The following CCT3 variants were observed in gnomAD, a reference collection of about 807,000 sequenced individuals.
CCT3 encodes the protein chaperonin containing TCP1 subunit 3.
CCT3 carries 10 observed loss-of-function variants against 65.3 expected under a neutral mutation model. That is an observed-to-expected ratio of 0.15 (90% confidence interval 0.09 to 0.26). The LOEUF (loss-of-function observed/expected upper bound fraction) is 0.26. CCT3 is among the 10% of genes least tolerant of loss of function. CCT3 has a pLI of 1.00. For synonymous variants in CCT3, 225 were observed against 242.3 expected (o/e 0.93, Z 0.66); for missense variants, 626 against 708.7 (o/e 0.88, Z 1.33).
At chr1:156,309,354 C>T in intron 13 of CCT3, 51 bp from the exon 14 acceptor site, 5 of 1,193,880 alleles carry the variant, frequency 4.2e-6, no homozygotes, top group Non-Finnish European at 5.0e-6. Context: ...GGAAAGGACA[C>T]TTTTCTTTCC....
At chr1:156,319,632 G>A (rs1043344012) in intron 7 of CCT3, among the ~76,000 whole-genome samples, 1 of 152,134 alleles carries the variant, frequency 6.6e-6, no homozygotes, top group Non-Finnish European at 1.5e-5. Flanking sequence ...AGCTACTCAA[G>A]AGGCTCAGGC....
chr1:156,333,685 C>A (rs770202265), intron 4 of CCT3, 42 bp from the exon 5 acceptor site: 55 of 1,448,794 alleles, frequency 3.8e-5, no homozygotes, highest in Non-Finnish European at 4.8e-5. Flanking sequence ...TATTCAAAGA[C>A]CTCTGAACTC....
chr1:156,322,917 C>T (rs1263761207), intron 6 of CCT3, among the ~76,000 whole-genome samples: 2 of 152,158 alleles, frequency 1.3e-5, no homozygotes, highest in Non-Finnish European at 2.9e-5. Context: ...GGTACCTCTA[C>T]ATTCTCACAG....
At chr1:156,332,207 T>C (rs956104210) in intron 5 of CCT3, among the ~76,000 whole-genome samples, 11 of 152,254 alleles carry the variant, frequency 7.2e-5, no homozygotes, top group African/African-American at 2.6e-4. Flanking sequence ...AGTGACGCGG[T>C]CTCTCCATGT....
At chr1:156,324,481 T>G (rs1015500072) in intron 6 of CCT3, among the ~76,000 whole-genome samples, 3 of 152,192 alleles carry the variant, frequency 2.0e-5, no homozygotes, top group Non-Finnish European at 4.4e-5. Context: ...TTTCTTTTTT[T>G]TCTTCTGAGA....
At chr1:156,311,248 C>G in intron 11 of CCT3, 53 bp from the exon 12 acceptor site, 1 of 1,570,774 alleles carries the variant, frequency 6.4e-7, no homozygotes, top group Non-Finnish European at 8.7e-7. Context: ...CTCATAAAAT[C>G]GGAGGCACCA....
chr1:156,317,020 C>T, intron 10 of CCT3, 146 bp downstream of exon 10: 1 of 680,998 alleles, frequency 1.5e-6, no homozygotes, highest in Non-Finnish European at 2.6e-6. Flanking sequence ...TAGAGGACTT[C>T]TGAAGAGGGC....
intron 4 of CCT3, among the ~76,000 whole-genome samples, chr1:156,334,218 G>A (rs1320120723): frequency 7.0e-6 from 1 of 143,486 alleles, no homozygotes; most frequent in African/African-American, 2.6e-5. Context: ...CAGCCTGGGT[G>A]ACAAGAGCGA....
chr1:156,331,509 CCT>C (rs1665094725), intron 5 of CCT3, among the ~76,000 whole-genome samples: 2 of 151,684 alleles, frequency 1.3e-5, no homozygotes, highest in African/African-American at 4.8e-5. Flanking sequence ...ATGGTGAAAC[CCT>C]GTCTCTACTA....
chr1:156,330,844 G>A (rs1185144211), intron 5 of CCT3, among the ~76,000 whole-genome samples: 1 of 151,856 alleles, frequency 6.6e-6, no homozygotes, highest in Non-Finnish European at 1.5e-5. Flanking sequence ...AACCCCAGGG[G>A]TGGAGGCTGC....
chr1:156,325,578 T>C (rs1664765811), intron 5 of CCT3, among the ~76,000 whole-genome samples: 4 of 77,760 alleles, frequency 5.1e-5, no homozygotes, highest in Admixed American at 3.7e-4. Flanking sequence ...ATTCTTTTGA[T>C]TTTTTTTTTT....
chr1:156,311,678 C>T (rs1035634393), intron 11 of CCT3, among the ~76,000 whole-genome samples: 1 of 151,958 alleles, frequency 6.6e-6, no homozygotes, highest in African/African-American at 2.4e-5. Context: ...ATAACTTCAA[C>T]GTAAAAAATA....
intron 8 of CCT3, 110 bp from the exon 9 acceptor site, chr1:156,317,657 T>C (rs1664364383): frequency 1.8e-6 from 2 of 1,090,812 alleles, no homozygotes; most frequent in Admixed American, 2.3e-5. Context: ...AGAGTCAGAA[T>C]TATGTTAAAG....
At chr1:156,311,232 T>C in intron 11 of CCT3, 37 bp from the exon 12 acceptor site, 1 of 1,591,568 alleles carries the variant, frequency 6.3e-7, no homozygotes. Context: ...AGCCAAAGCT[T>C]GATGACTCAT....
rs1352027045 is a variant in CCT3 at position 156,311,022 on chromosome 1, G to A, written c.1329C>T (p.Ala443=). 1 of 1,613,972 alleles carries A rather than the reference G, an allele frequency of 6.2e-7. No homozygotes were observed. Among genetic ancestry groups the A allele is most frequent in the East Asian group, 2.2e-5 (1 of 44,892 alleles). ...TCAGGGTACGAGGAATGACCTCTAG[G>A]GCCTGGGCAACAGCCCTGTATGGCC... ...EQWPYRAVAQ[A]LEVIPRTLIQ... Residue 443 remains alanine (A), a synonymous_variant, in exon 12 of 14, where the codon GCC becomes GCT. Coordinates refer to ENST00000295688, the MANE Select transcript of CCT3 (RefSeq NM_005998.5).
intron 5 of CCT3, among the ~76,000 whole-genome samples, chr1:156,325,573 TTTGA>T (rs1167958482): frequency 6.8e-6 from 1 of 147,392 alleles, no homozygotes; most frequent in East Asian, 2.0e-4. Context: ...TACTTATTCT[TTTGA>T]TTTTTTTTTT....
intron 10 of CCT3, among the ~76,000 whole-genome samples, chr1:156,313,197 G>A (rs1010956069): frequency 6.6e-6 from 1 of 151,978 alleles, no homozygotes; most frequent in African/African-American, 2.4e-5. Context: ...AAATTAGCCA[G>A]GTGTCATGGC....
At chr1:156,327,191 G>T (rs1558270841) in intron 5 of CCT3, among the ~76,000 whole-genome samples, 3 of 152,092 alleles carry the variant, frequency 2.0e-5, no homozygotes, top group Non-Finnish European at 4.4e-5. Context: ...TTTGTCAAAA[G>T]CCTTTTGCAC....
chr1:156,315,395 G>T (rs1279525815), intron 10 of CCT3, among the ~76,000 whole-genome samples: 4 of 152,110 alleles, frequency 2.6e-5, no homozygotes, highest in Non-Finnish European at 5.9e-5. Context: ...TATTATTAGA[G>T]ATGGGGTTTC....
Sources: gnomAD v4.1 joint callset for allele counts (sites outside exome capture counted in the v4.1 genomes callset) on GRCh38, gnomAD v4.1.1 for gene constraint, MANE v1.5 for transcripts, NCBI Gene and HGNC (gene_info 2026-07-23, HGNC 2026-07-21) for gene names.